ZC3H14: variants seen among roughly 807,000 people sequenced by gnomAD.
The protein encoded by ZC3H14 is zinc finger CCCH-type containing 14, also known as zinc finger CCCH domain-containing protein 14.
Under a neutral mutation model 92.4 loss-of-function variants are expected in ZC3H14, and 31 were observed. That is an observed-to-expected ratio of 0.34 (90% confidence interval 0.25 to 0.45). The LOEUF is 0.45. ZC3H14 is among the 20% of genes least tolerant of loss of function. ZC3H14 has a pLI of 1.00. For synonymous variants in ZC3H14, 321 were observed against 300.9 expected (o/e 1.07, Z -0.69); for missense variants, 781 against 897.3 (o/e 0.87, Z 1.66).
chr14:88,602,623 C>T (rs1307467944), intron 11 of ZC3H14, among the ~76,000 whole-genome samples: 1 of 152,170 alleles, frequency 6.6e-6, no homozygotes, highest in African/African-American at 2.4e-5. Context: ...TGGAGGGTCA[C>T]TGGTGATGCC....
chr14:88,607,117 CTTATT>C (rs1771846419), intron 12 of ZC3H14, 121 bp from the exon 13 acceptor site: 1 of 1,456,746 alleles, frequency 6.9e-7, no homozygotes, highest in Admixed American at 1.9e-5. Context: ...TTTGAGCTCA[CTTATT>C]TTATATGACT....
chr14:88,625,061 T>C lies in ZC3H14; in HGVS notation c.*13310T>C, dbSNP rs758592624. 6.2e-7 allele frequency: 1 copy of C among 1,613,960 alleles called. No individual in the cohort carries two copies. The highest frequency in any genetic ancestry group is 1.1e-5 in the South Asian group (1 of 91,082). The stretch of plus-strand genomic sequence containing the variant: ...CCGTTGTGAGCTCTCGCCACGATTC[T>C]ACACAATATGTGATCTTTCCACACA... On this transcript the variant is annotated 3_prime_UTR_variant, in exon 17 of 17. Coordinates refer to ENST00000251038, the MANE Select transcript of ZC3H14 (RefSeq NM_024824.5).
In ZC3H14 at chr14:88,570,857, C is replaced by T. The variant is rs540714011; in HGVS notation, c.195-227C>T. On this transcript the variant is annotated intron_variant, in intron 3 of 16. Coordinates refer to ENST00000251038, the MANE Select transcript of ZC3H14 (RefSeq NM_024824.5). ...TCAGCTAGGTGCGGTGGCTCACGCC[C>T]GTAATCTCAACACTTTGGGAGGCTG... is the stretch of plus-strand genomic sequence containing the variant. Among the ~76,000 whole-genome samples the T allele has an allele frequency of 1.0e-3, 157 of 152,140 alleles. 1 individual carries two copies. The highest frequency in any genetic ancestry group is 3.5e-3 in the South Asian group (17 of 4,820).
chr14:88,583,021 T>G (rs2082086120), intron 9 of ZC3H14, among the ~76,000 whole-genome samples: 1 of 151,976 alleles, frequency 6.6e-6, no homozygotes, highest in Non-Finnish European at 1.5e-5. Context: ...AGTCTGTCAC[T>G]AGAAGTTTAT....
chr14:88,584,178 A>G (rs750336373), intron 9 of ZC3H14, among the ~76,000 whole-genome samples: 1 of 152,034 alleles, frequency 6.6e-6, no homozygotes, highest in Non-Finnish European at 1.5e-5. Context: ...TTTCTCTCTC[A>G]TGCTTTAGGT....
Position 88,618,377 on chromosome 14 carries a change from GAC to G in ZC3H14, c.*6628_*6629del. The G allele has an allele frequency of 6.5e-7, 1 of 1,535,274 alleles. No homozygotes were observed. Among genetic ancestry groups the G allele is most frequent in the South Asian group, 1.1e-5 (1 of 88,746 alleles). ...GGGACAAGAATTCCATTAGGTGAGA[GAC>G]AAAATCCACAGGGGGTTTACAGAAT... On this transcript the variant is annotated 3_prime_UTR_variant, in exon 17 of 17. Transcript: ENST00000251038.
chr14:88,608,533 G>A (rs1441669289), intron 13 of ZC3H14: 2 of 259,092 alleles, frequency 7.7e-6, no homozygotes, highest in Non-Finnish European at 1.5e-5. Context: ...TTGTTGAGAG[G>A]CAAGGGTGGG....
intron 13 of ZC3H14, chr14:88,608,251 G>C (rs1007725046): frequency 2.5e-6 from 1 of 404,428 alleles, no homozygotes; most frequent in South Asian, 1.7e-5. Context: ...CCCTGCAAGT[G>C]AATACCATCC....
intron 2 of ZC3H14, among the ~76,000 whole-genome samples, chr14:88,566,579 A>C (rs2079654054): frequency 2.0e-5 from 3 of 152,212 alleles, no homozygotes; most frequent in East Asian, 3.8e-4. Flanking sequence ...AGTACTTCTG[A>C]AATGAACCTT....
In ZC3H14 at chr14:88,571,964, AAAAT is replaced by A. The variant is rs748264552; in HGVS notation, c.236-50_236-47del. On this transcript the variant is annotated intron_variant, in intron 4 of 16. Coordinates refer to ENST00000251038, the MANE Select transcript of ZC3H14 (RefSeq NM_024824.5). Reference sequence around the variant, plus strand: ...GGCGACAGAGCGAGACTCCATCTCAAAAATAAATAAATAAATAAAAATAAGAAAT... The same window carrying A: ...GGCGACAGAGCGAGACTCCATCTCAAAAATAAATAAATAAAAATAAGAAAT... The A allele has an allele frequency of 1.4e-4, 177 of 1,298,128 alleles. 1 individual carries two copies. The highest frequency in any genetic ancestry group is 7.2e-4 in the African/African-American group (47 of 65,418). 80.4% of individuals were successfully genotyped at this position (1,298,128 alleles called of 1,614,324 possible).
intron 12 of ZC3H14, among the ~76,000 whole-genome samples, chr14:88,605,591 C>T (rs1004947805): frequency 2.6e-5 from 4 of 152,214 alleles, no homozygotes; most frequent in African/African-American, 9.6e-5. Context: ...GCCTCGGCCT[C>T]CCAAAGTGCT....
At chr14:88,588,399 C>T (rs2082709156) in intron 9 of ZC3H14, among the ~76,000 whole-genome samples, 1 of 152,188 alleles carries the variant, frequency 6.6e-6, no homozygotes, top group Non-Finnish European at 1.5e-5. Context: ...TATCCTTGTA[C>T]TTGTTTGATA....
intron 12 of ZC3H14, among the ~76,000 whole-genome samples, chr14:88,606,633 G>A (rs1443638499): frequency 6.6e-6 from 1 of 151,700 alleles, no homozygotes; most frequent in African/African-American, 2.4e-5. Context: ...TACTTGGTAG[G>A]GGCTGAGGTG....
In ZC3H14 at chr14:88,612,406, A is replaced by G. The variant is rs973628487; in HGVS notation, c.*655A>G. ...GACAGTGGAGGCAGCTGGAATGGCA[A>G]GTGCAGAAAATAGGAACAGTTCTAT... is the stretch of plus-strand genomic sequence containing the variant. On this transcript the variant is annotated 3_prime_UTR_variant, in exon 17 of 17. Transcript: ENST00000251038. 2 of 153,318 alleles carry G rather than the reference A, an allele frequency of 1.3e-5. No homozygotes were observed. The highest frequency in any genetic ancestry group is 1.3e-4 in the Admixed American group (2 of 15,454). 9.5% of individuals were successfully genotyped at this position (153,318 alleles called of 1,614,324 possible).
chr14:88,607,284 C>T lies in ZC3H14; in HGVS notation c.1789C>T (p.Leu597Phe). The T allele has an allele frequency of 1.2e-6, 2 of 1,614,024 alleles. No homozygotes were observed. Among genetic ancestry groups the T allele is most frequent in the Non-Finnish European group, 1.7e-6 (2 of 1,179,970 alleles). The change falls in exon 13 of 17, where the codon CTT becomes TTT. Residue 597 changes from leucine (L) to phenylalanine (F), a missense_variant. This residue lies in a region of ZC3H14 where 221 missense variants were observed against 304.7 expected (regional missense o/e 0.73). Transcript: ENST00000251038. ...ELSVAQKPEK[L>F]LERCKYWPAC... ...GAGTGTGGCACAGAAACCAGAAAAA[C>T]TTTTGGAGCGCTGCAAGTACTGGCC...
Position 88,621,674 on chromosome 14 carries a change from C to A in ZC3H14, c.*9923C>A. On this transcript the variant is annotated 3_prime_UTR_variant, in exon 17 of 17. Coordinates refer to ENST00000251038, the MANE Select transcript of ZC3H14 (RefSeq NM_024824.5). ...TTTTAGTTAAAAAGTAAAAGCTTAA[C>A]TACAATTTAATATGCAGGCTGAAGA... 1 of 274,518 alleles carries A rather than the reference C, an allele frequency of 3.6e-6. No homozygotes were observed. Among genetic ancestry groups the A allele is most frequent in the South Asian group, 4.2e-5 (1 of 23,744 alleles). The allele number at this position is 274,518 out of a possible 1,614,324, so 17.0% of individuals were successfully genotyped here.
chr14:88,571,485 ATGT>A (rs1483517119), intron 4 of ZC3H14, among the ~76,000 whole-genome samples: 1 of 152,236 alleles, frequency 6.6e-6, no homozygotes, highest in East Asian at 1.9e-4. Flanking sequence ...ATTAAAAATA[ATGT>A]TGTGGAAGAA....
chr14:88,583,386 AG>A (rs2139782007), intron 9 of ZC3H14, among the ~76,000 whole-genome samples: 1 of 152,078 alleles, frequency 6.6e-6, no homozygotes, highest in South Asian at 2.1e-4. Context: ...CCAAAGTGCT[AG>A]GTTTACAGGT....
intron 15 of ZC3H14, 68 bp from the exon 16 acceptor site, chr14:88,610,766 T>A (rs542495926): frequency 2.2e-4 from 335 of 1,493,248 alleles, no homozygotes; most frequent in Middle Eastern, 3.4e-4. Context: ...CTGTCTCAAA[T>A]AATAAAATAA....
Sources: gnomAD v4.1 joint callset for allele counts (sites outside exome capture counted in the v4.1 genomes callset) on GRCh38, gnomAD v4.1.1 for gene constraint, gnomAD v4.1.1 regional missense constraint, MANE v1.5 for transcripts, NCBI Gene and HGNC (gene_info 2026-07-23, HGNC 2026-07-21) for gene names.